The following SORCS1 variants were observed in gnomAD, a reference collection of about 807,000 sequenced individuals.
SORCS1 encodes the protein VPS10 domain-containing receptor SorCS1.
In SORCS1, 60 loss-of-function variants were observed where a neutral mutation model predicts 146.1. The ratio of observed to expected loss-of-function variants is 0.41; its 90% CI spans 0.33 to 0.51. The LOEUF is 0.51. Among genes scored for constraint, SORCS1 ranks in the 20% least tolerant of loss-of-function variants. SORCS1 has a pLI of 0.21. For missense variants in SORCS1, 1,352 were observed against 1,487.6 expected (o/e 0.91, Z 1.50); for synonymous variants, 637 against 584.0 (o/e 1.09, Z -1.31).
At chr10:106,999,225 G>GAC (rs555496650) in intron 1 of SORCS1, among the ~76,000 whole-genome samples, 3 of 151,808 alleles carry the variant, frequency 2.0e-5, no homozygotes, top group African/African-American at 7.3e-5. Context: ...GGCAAATATG[G>GAC]ACACACACAC....
chr10:107,083,547 T>C (rs886237823), intron 1 of SORCS1, among the ~76,000 whole-genome samples: 1 of 152,204 alleles, frequency 6.6e-6, no homozygotes, highest in Non-Finnish European at 1.5e-5. Flanking sequence ...ATACTTTTTT[T>C]CTTATCTTTA....
chr10:106,650,988 T>A (rs1227043118), intron 18 of SORCS1, among the ~76,000 whole-genome samples: 1 of 152,164 alleles, frequency 6.6e-6, no homozygotes, highest in East Asian at 1.9e-4. Context: ...AGTTTATTTA[T>A]GTGAAATATG....
intron 1 of SORCS1, among the ~76,000 whole-genome samples, chr10:107,144,271 C>A (rs554459621): frequency 6.6e-4 from 100 of 152,314 alleles, no homozygotes; most frequent in African/African-American, 2.1e-3. Flanking sequence ...CTATTTAATT[C>A]TCCCCTTAGA....
At chr10:106,713,265 T>C (rs1412361838) in intron 6 of SORCS1, among the ~76,000 whole-genome samples, 1 of 152,206 alleles carries the variant, frequency 6.6e-6, no homozygotes. Flanking sequence ...CTTCTTGTTA[T>C]GTGAGATAAT....
Position 106,592,412 on chromosome 10 carries a change from A to C in SORCS1, c.3265+4939T>G, listed in dbSNP as rs146932075. ...CTTTCCTTGTGTTCCCATAAAAGCA[A>C]ACAGGGAAGTGAATCTGAAAACCAA... On this transcript the variant is annotated intron_variant, in intron 24 of 25. Coordinates refer to ENST00000263054, the MANE Select transcript of SORCS1 (RefSeq NM_052918.5). Among the ~76,000 whole-genome samples the C allele has an allele frequency of 1.9e-3, 297 of 152,354 alleles. 2 individuals carry two copies. The highest frequency in any genetic ancestry group is 6.5e-3 in the African/African-American group (272 of 41,588).
At position 106,944,346 on chromosome 10, in the gene SORCS1, G is replaced by A. The variant is rs370943791; in HGVS notation, c.626+12167C>T. Among the ~76,000 whole-genome samples, 15 of 152,148 alleles carry A rather than the reference G, an allele frequency of 9.9e-5. No homozygotes were observed. The East Asian group carries it at 1.9e-3, about 20-fold the overall frequency. ...TAGTGCAATTTCCTCAATAAGCCATGCTGCCAGCACCTAGAGGCGCCTGAA... is the reference window on the plus strand; with the variant it reads ...TAGTGCAATTTCCTCAATAAGCCATACTGCCAGCACCTAGAGGCGCCTGAA... On this transcript the variant is annotated intron_variant, in intron 2 of 25. Transcript: ENST00000263054.
intron 2 of SORCS1, among the ~76,000 whole-genome samples, chr10:106,954,161 A>G (rs1453149808): frequency 1.3e-5 from 2 of 152,184 alleles, no homozygotes; most frequent in Non-Finnish European, 2.9e-5. Flanking sequence ...TGTTCTTTCC[A>G]CTGTGCAGGT....
At chr10:106,957,175 T>TTTG (rs1244451486) in intron 1 of SORCS1, among the ~76,000 whole-genome samples, 10 of 143,756 alleles carry the variant, frequency 7.0e-5, no homozygotes, top group Non-Finnish European at 9.0e-5. Flanking sequence ...GTTTTTTTTG[T>TTTG]TTTTTTTTTT....
intron 5 of SORCS1, among the ~76,000 whole-genome samples, chr10:106,747,102 C>T (rs976516550): frequency 1.3e-5 from 2 of 152,224 alleles, no homozygotes; most frequent in African/African-American, 2.4e-5. Flanking sequence ...AACTTCAGCA[C>T]TCATGTAAAA....
chr10:106,639,897 T>C (rs536118650), intron 18 of SORCS1, among the ~76,000 whole-genome samples: 31 of 152,080 alleles, frequency 2.0e-4, no homozygotes, highest in Admixed American at 1.8e-3. Context: ...ACGTGCCTGT[T>C]ACCCCAGCTA....
chr10:106,960,406 T>G lies in SORCS1; in HGVS notation c.559-3826A>C, dbSNP rs1404569560. ...TTGGTCCATACGTTTTCTCTTTTTC[T>G]TTTTCTTTTTTTTTTTTGAGATGGA... is the stretch of plus-strand genomic sequence containing the variant. On this transcript the variant is annotated intron_variant, in intron 1 of 25. Coordinates refer to ENST00000263054, the MANE Select transcript of SORCS1 (RefSeq NM_052918.5). This position sits in a 1 kb window ranked among gnomAD's most constrained non-coding sequence, Gnocchi z 4.4. Among the ~76,000 whole-genome samples the G allele has an allele frequency of 6.8e-6, 1 of 148,062 alleles. No homozygotes were observed. Among genetic ancestry groups the G allele is most frequent in the African/African-American group, 2.6e-5 (1 of 38,000 alleles).
At chr10:106,704,750 G>C (rs140894801) in intron 8 of SORCS1, among the ~76,000 whole-genome samples, 3 of 152,070 alleles carry the variant, frequency 2.0e-5, no homozygotes, top group African/African-American at 7.2e-5. Flanking sequence ...CCAAGAGTGC[G>C]CATAAGATGA....
chr10:106,670,818 C>A (rs543718081), intron 16 of SORCS1, among the ~76,000 whole-genome samples: 1 of 151,760 alleles, frequency 6.6e-6, no homozygotes, highest in African/African-American at 2.4e-5. Context: ...TTCAGCCTCC[C>A]GAGCAGCTGG....
At chr10:107,072,969 C>T (rs368608878) in intron 1 of SORCS1, among the ~76,000 whole-genome samples, 3 of 152,170 alleles carry the variant, frequency 2.0e-5, no homozygotes, top group African/African-American at 2.4e-5. Context: ...TGTGCCCTAA[C>T]GCTGCAGGGT....
intron 24 of SORCS1, among the ~76,000 whole-genome samples, chr10:106,594,944 T>C (rs370619992): frequency 6.6e-6 from 1 of 152,222 alleles, no homozygotes; most frequent in Non-Finnish European, 1.5e-5. Flanking sequence ...TTTAAAACGA[T>C]ATTCAGTGGT....
At chr10:106,585,116 C>T (rs1265742933) in intron 24 of SORCS1, among the ~76,000 whole-genome samples, 3 of 151,284 alleles carry the variant, frequency 2.0e-5, no homozygotes, top group East Asian at 1.9e-4. Context: ...CCCAGCTACT[C>T]GGGAGGTTGA....
At chr10:107,138,992 C>T (rs1318490216) in intron 1 of SORCS1, among the ~76,000 whole-genome samples, 1 of 152,104 alleles carries the variant, frequency 6.6e-6, no homozygotes, top group Admixed American at 6.5e-5. Flanking sequence ...TGAGAAATTC[C>T]TCTGGTGCCA....
intron 1 of SORCS1, among the ~76,000 whole-genome samples, chr10:107,074,218 G>A (rs72812922): frequency 0.014 from 2,169 of 152,134 alleles, 19 homozygotes; most frequent in South Asian, 0.027. Context: ...CCCCAACACC[G>A]GGCAACCACT....
intron 2 of SORCS1, among the ~76,000 whole-genome samples, chr10:106,840,841 T>TTATA (rs1292497131): frequency 4.4e-4 from 50 of 113,860 alleles, no homozygotes; most frequent in Middle Eastern, 4.3e-3. Context: ...TTTAGTTATA[T>TTATA]TATATATATA....
Sources: gnomAD v4.1 joint callset for allele counts (sites outside exome capture counted in the v4.1 genomes callset) on GRCh38, gnomAD v4.1.1 for gene constraint, Gnocchi (gnomAD v3.1) non-coding constraint, MANE v1.5 for transcripts, NCBI Gene and HGNC (gene_info 2026-07-23, HGNC 2026-07-21) for gene names.